Variants in GFOD2 observed in about 807,000 individuals in gnomAD.
GFOD2 encodes glucose-fructose oxidoreductase domain-containing protein 2.
A neutral mutation model predicts 24.6 loss-of-function variants in GFOD2; 9 were observed. That is an observed-to-expected ratio of 0.37 (90% CI 0.22 to 0.64). The LOEUF (loss-of-function observed/expected upper bound fraction) is 0.64. Among genes scored for constraint, GFOD2 ranks in the 30% least tolerant of loss-of-function variants. The pLI is 0.65. For missense variants in GFOD2, 476 were observed against 532.5 expected, an observed-to-expected ratio of 0.89 and a Z score of 1.04; for synonymous variants, 211 against 224.8, an observed-to-expected ratio of 0.94 and a Z score of 0.55.
intron 2 of GFOD2, chr16:67,683,117 T>C (rs976488851): frequency 1.6e-5 from 12 of 741,140 alleles, no homozygotes; most frequent in Non-Finnish European, 2.0e-5. Context: ...CGTGCCACCA[T>C]GCCTGGCTAA....
At chr16:67,677,942 T>C (rs1221581636) in intron 2 of GFOD2, 1 of 152,214 alleles carries the variant, frequency 6.6e-6, no homozygotes, top group East Asian at 1.9e-4. Flanking sequence ...GGTATGTGCA[T>C]CTTCAGTAAC....
At chr16:67,700,537 C>A (rs2053394549) in intron 1 of GFOD2, among the ~76,000 whole-genome samples, 1 of 151,816 alleles carries the variant, frequency 6.6e-6, no homozygotes, top group African/African-American at 2.4e-5. Context: ...CATGGTGAAA[C>A]CCTGCCTCTA....
At chr16:67,714,667 GA>G (rs1403147595) in intron 1 of GFOD2, among the ~76,000 whole-genome samples, 3 of 152,092 alleles carry the variant, frequency 2.0e-5, no homozygotes, top group Non-Finnish European at 4.4e-5. Context: ...GAGAAATTGA[GA>G]GCTGACAATT....
At chr16:67,695,599 G>GCA in intron 1 of GFOD2, among the ~76,000 whole-genome samples, 1 of 146,496 alleles carries the variant, frequency 6.8e-6, no homozygotes, top group Admixed American at 6.9e-5. Context: ...GCTGTGGCAT[G>GCA]ATCTTGGCCC....
At chr16:67,685,010 G>A (rs2053255268) in intron 2 of GFOD2, 2 of 1,049,740 alleles carry the variant, frequency 1.9e-6, no homozygotes, top group Non-Finnish European at 2.3e-6. Flanking sequence ...GGAAGGGTGT[G>A]TGCTCACTAT....
intron 1 of GFOD2, among the ~76,000 whole-genome samples, chr16:67,713,966 T>C (rs955594394): frequency 2.6e-5 from 4 of 151,858 alleles, no homozygotes. Flanking sequence ...GGGATTTGGT[T>C]GGTGCAAAAG....
intron 1 of GFOD2, among the ~76,000 whole-genome samples, chr16:67,700,041 C>T (rs1265379330): frequency 6.6e-6 from 1 of 152,102 alleles, no homozygotes; most frequent in African/African-American, 2.4e-5. Context: ...CACCACTACA[C>T]TTCAGCCTGG....
At chr16:67,681,418 AAT>A (rs2053224418) in intron 2 of GFOD2, 3 of 985,120 alleles carry the variant, frequency 3.0e-6, no homozygotes, top group Non-Finnish European at 3.6e-6. Flanking sequence ...GAATCTGAAA[AAT>A]AGTCTGTTTT....
chr16:67,678,422 G>A (rs976129517), intron 2 of GFOD2, among the ~76,000 whole-genome samples: 12 of 149,996 alleles, frequency 8.0e-5, no homozygotes, highest in Non-Finnish European at 1.5e-4. Context: ...GTTGCGGTGA[G>A]CCAAGATTGC....
chr16:67,714,647 C>A (rs1391174292), intron 1 of GFOD2, among the ~76,000 whole-genome samples: 2 of 152,136 alleles, frequency 1.3e-5, no homozygotes, highest in Non-Finnish European at 2.9e-5. Flanking sequence ...TTGGGGTTAT[C>A]TATTCTCATG....
rs895386374 is a variant in GFOD2, at chr16:67,682,424, T to C, written c.259+3033A>G. On this transcript the variant is annotated intron_variant, in intron 2 of 2. Transcript: ENST00000268797. Reference sequence around the variant, plus strand: ...TTTTAGTGACAGACTTAAGAAAACATTCAACTGTGGCAAAGATGCTAGGGG... The same window carrying C: ...TTTTAGTGACAGACTTAAGAAAACACTCAACTGTGGCAAAGATGCTAGGGG... The C allele has an allele frequency of 4.1e-6, 4 of 985,250 alleles. No individual in the cohort carries two copies. In the African/African-American group the frequency reaches 7.0e-5, roughly 17 times the overall value. The allele number at this position is 985,250 out of a possible 1,614,324, so 61.0% of individuals were successfully genotyped here.
At chr16:67,713,136 G>A (rs1037186145) in intron 1 of GFOD2, among the ~76,000 whole-genome samples, 3 of 150,284 alleles carry the variant, frequency 2.0e-5, no homozygotes, top group Non-Finnish European at 4.4e-5. Context: ...CGCCCACCTC[G>A]GCCTCCGAAA....
At chr16:67,700,995 C>T (rs2053398914) in intron 1 of GFOD2, among the ~76,000 whole-genome samples, 3 of 150,236 alleles carry the variant, frequency 2.0e-5, no homozygotes, top group Admixed American at 1.3e-4. Flanking sequence ...CGAGATTGTG[C>T]CACTGCTCTC....
intron 1 of GFOD2, among the ~76,000 whole-genome samples, chr16:67,687,147 C>CAAA (rs555830977): frequency 2.0e-5 from 1 of 49,720 alleles, no homozygotes; most frequent in African/African-American, 7.3e-5. Flanking sequence ...GACTCCGTCA[C>CAAA]AAAAAAAAAA....
At chr16:67,706,917 G>GCT in intron 1 of GFOD2, among the ~76,000 whole-genome samples, 1 of 152,166 alleles carries the variant, frequency 6.6e-6, no homozygotes, top group East Asian at 1.9e-4. Flanking sequence ...AAATTAGCCA[G>GCT]GTATGGTGGT....
intron 1 of GFOD2, among the ~76,000 whole-genome samples, chr16:67,706,288 T>C (rs1477059269): frequency 6.6e-6 from 1 of 152,124 alleles, no homozygotes; most frequent in African/African-American, 2.4e-5. Context: ...GACCATACTT[T>C]TTTAAATTAC....
At chr16:67,704,106 G>A (rs989190537) in intron 1 of GFOD2, among the ~76,000 whole-genome samples, 10 of 152,128 alleles carry the variant, frequency 6.6e-5, no homozygotes, top group African/African-American at 2.4e-4. Context: ...GTGAATGCTC[G>A]GGTTGCTTCT....
intron 1 of GFOD2, among the ~76,000 whole-genome samples, chr16:67,695,972 G>C (rs994438195): frequency 1.3e-5 from 2 of 151,884 alleles, no homozygotes; most frequent in Non-Finnish European, 2.9e-5. Context: ...AGTTGTATTT[G>C]GGTATATATA....
At chr16:67,687,240 T>C (rs2053273978) in intron 1 of GFOD2, among the ~76,000 whole-genome samples, 1 of 151,016 alleles carries the variant, frequency 6.6e-6, no homozygotes, top group South Asian at 2.1e-4. Flanking sequence ...ACAGATTAAG[T>C]ATAATTAAAA....
Sources: allele counts gnomAD v4.1 joint callset (sites outside exome capture counted in the v4.1 genomes callset), GRCh38; gene constraint gnomAD v4.1.1; transcripts MANE v1.5; gene names NCBI Gene and HGNC (gene_info 2026-07-23, HGNC 2026-07-21).